The following FGFR1 variants were observed in gnomAD, a reference collection of about 807,000 sequenced individuals.
The protein encoded by FGFR1 is fibroblast growth factor receptor 1, also known as FGFR1/PLAG1 fusion.
Under a neutral mutation model 93.7 loss-of-function variants are expected in FGFR1, and 18 were observed. The ratio of observed to expected loss-of-function variants is 0.19; its 90% CI spans 0.13 to 0.28. The LOEUF is 0.28. Ranked by LOEUF, FGFR1 falls within the 10% of genes least tolerant of loss-of-function variation. The pLI, the probability that FGFR1 is intolerant of heterozygous loss-of-function variation, is 1.00. For missense variants in FGFR1, 731 were observed against 1,080.4 expected (o/e 0.68, Z 4.53); for synonymous variants, 448 against 429.3 (o/e 1.04, Z -0.54).
At chr8:38,419,887 C>G in intron 8 of FGFR1, 152 bp from the exon 9 acceptor site, 2 of 650,240 alleles carry the variant, frequency 3.1e-6, no homozygotes, top group Non-Finnish European at 5.4e-6. Flanking sequence ...GGGATTGTGG[C>G]ACTAGGAGGA....
At chr8:38,440,233 C>A (rs1028286646) in intron 2 of FGFR1, 2 of 1,323,762 alleles carry the variant, frequency 1.5e-6, no homozygotes, top group East Asian at 2.5e-5. Context: ...AACAGCGCAG[C>A]GGGGCTCCGG....
chr8:38,439,778 C>G (rs1490318733), intron 2 of FGFR1, among the ~76,000 whole-genome samples: 1 of 152,194 alleles, frequency 6.6e-6, no homozygotes, highest in African/African-American at 2.4e-5. Context: ...AAAACTCACT[C>G]TTCTGAGACT....
At chr8:38,417,573 A>G in intron 11 of FGFR1, 157 bp from the exon 12 acceptor site, 2 of 772,444 alleles carry the variant, frequency 2.6e-6, no homozygotes, top group Non-Finnish European at 2.2e-6. Context: ...CTCTCATGGG[A>G]GCCGTTGTTG....
At chr8:38,441,662 C>T (rs560592081) in intron 2 of FGFR1, among the ~76,000 whole-genome samples, 6 of 152,188 alleles carry the variant, frequency 3.9e-5, no homozygotes, top group Non-Finnish European at 8.8e-5. Context: ...AGATGCCCTG[C>T]GGCTATGGAG....
Position 38,424,344 on chromosome 8 carries a change from C to T in FGFR1, c.936+165G>A. ...CCACTTTGTGACCTCTGTTACTAGT[C>T]CTGGGGGATGTGGCTAGATCCCTAC... is the stretch of plus-strand genomic sequence containing the variant. On this transcript the variant is annotated intron_variant, in intron 7 of 17. Coordinates refer to ENST00000447712, the MANE Select transcript of FGFR1 (RefSeq NM_023110.3). The surrounding 1 kb of genome is among the most constrained non-coding windows in gnomAD (Gnocchi z 4.3). 3.8e-6 allele frequency: 3 copies of T among 794,148 alleles called. No homozygotes were observed. The highest frequency in any genetic ancestry group is 4.4e-6 in the Non-Finnish European group (2 of 455,256). 49.2% of individuals were successfully genotyped at this position (794,148 alleles called of 1,614,324 possible).
chr8:38,419,679 A>T lies in FGFR1; in HGVS notation c.1138T>A (p.Tyr380Asn), dbSNP rs1563464248. The change falls in exon 9 of 18, where the codon TAT becomes AAT. Residue 380 changes from tyrosine to asparagine, a missense_variant. Coordinates refer to ENST00000447712, the MANE Select transcript of FGFR1 (RefSeq NM_023110.3). ...GAGATGAGGAAGGCCCCTGTGCAATAGATGATGATCTCCAGGTACAGGGGC... is the reference window on the plus strand; with the variant it reads ...GAGATGAGGAAGGCCCCTGTGCAATTGATGATGATCTCCAGGTACAGGGGC... Reference protein sequence around the residue: ...TSPLYLEIIIYCTGAFLISCM... With the variant: ...TSPLYLEIIINCTGAFLISCM... 6.2e-7 allele frequency: 1 copy of T among 1,614,098 alleles called. No homozygotes were observed. The highest frequency in any genetic ancestry group is 8.5e-7 in the Non-Finnish European group (1 of 1,180,014).
Position 38,445,532 on chromosome 8 carries a change from A to G in FGFR1, c.91+11824T>C, listed in dbSNP as rs138590610. On this transcript the variant is annotated intron_variant, in intron 2 of 17. Transcript: ENST00000447712. ...CATGTCAGGCATTCATACAGTCTCA[A>G]TGAAATTGACATTTCATTTTTTGGG... 4.6e-4 allele frequency among the ~76,000 whole-genome samples: 70 copies of G among 152,192 alleles called. 1 individual carries two copies. The highest frequency in any genetic ancestry group is 1.6e-3 in the African/African-American group (68 of 41,528).
chr8:38,415,814 T>A (rs780673378), intron 13 of FGFR1, 56 bp downstream of exon 13: 2 of 1,540,370 alleles, frequency 1.3e-6, no homozygotes, highest in Non-Finnish European at 9.0e-7. Context: ...GCTGGAAGAC[T>A]AGGGGGGCTC....
In FGFR1 at chr8:38,417,289, G is replaced by C. The variant is rs1437412981; in HGVS notation, c.1663+17C>G. 4 of 1,602,326 alleles carry C rather than the reference G, an allele frequency of 2.5e-6. No homozygotes were observed. In the South Asian group the frequency reaches 4.4e-5, roughly 18 times the overall value. ...TCTCCCCGCTGGGCAGGGAAAGCCAGTCTGGCCGGCACCCACCATCCTGCG... is the reference window on the plus strand; with the variant it reads ...TCTCCCCGCTGGGCAGGGAAAGCCACTCTGGCCGGCACCCACCATCCTGCG... On this transcript the variant is annotated intron_variant, in intron 12 of 17. Coordinates refer to ENST00000447712, the MANE Select transcript of FGFR1 (RefSeq NM_023110.3).
intron 2 of FGFR1, among the ~76,000 whole-genome samples, chr8:38,438,401 G>A (rs1826161334): frequency 6.6e-6 from 1 of 151,996 alleles, no homozygotes; most frequent in Admixed American, 6.6e-5. Flanking sequence ...AAATTAGCCA[G>A]GCGTGGTGAT....
In FGFR1 at chr8:38,417,279, G is replaced by A. The variant is rs771137031; in HGVS notation, c.1663+27C>T. 1.2e-5 allele frequency: 19 copies of A among 1,579,954 alleles called. No individual in the cohort carries two copies. In the African/African-American group the frequency reaches 2.3e-4, roughly 19 times the overall value. On this transcript the variant is annotated intron_variant, in intron 12 of 17. Transcript: ENST00000447712. ...GCTCAGATCTTCTCCCCGCTGGGCA[G>A]GGAAAGCCAGTCTGGCCGGCACCCA...
intron 2 of FGFR1, among the ~76,000 whole-genome samples, chr8:38,440,642 C>T (rs900581916): frequency 6.6e-6 from 1 of 151,594 alleles, no homozygotes; most frequent in Non-Finnish European, 1.5e-5. Context: ...TGCAAATGGG[C>T]CACTGCCAGA....
rs1408119994 is a variant in FGFR1, at chr8:38,413,533, A to C, written c.*95T>G. On this transcript the variant is annotated 3_prime_UTR_variant, in exon 18 of 18. Transcript: ENST00000447712. This position sits in a 1 kb window ranked among gnomAD's most constrained non-coding sequence, Gnocchi z 4.2. ...AGGCAGCCGGCTCCTGCCAGCAGGA[A>C]AGGGGACAGGGACGGACAGGTGGTG... is the stretch of plus-strand genomic sequence containing the variant. 1 of 1,394,108 alleles carries C rather than the reference A, an allele frequency of 7.2e-7. No homozygotes were observed. Among genetic ancestry groups the C allele is most frequent in the African/African-American group, 1.4e-5 (1 of 69,864 alleles). The allele number at this position is 1,394,108 out of a possible 1,614,324, so 86.4% of individuals were successfully genotyped here. A position where few individuals can be genotyped will look rare whatever the true frequency, so the allele number is the denominator to read the frequency against.
At chr8:38,445,107 T>C (rs906455246) in intron 2 of FGFR1, among the ~76,000 whole-genome samples, 2 of 152,176 alleles carry the variant, frequency 1.3e-5, no homozygotes, top group Non-Finnish European at 2.9e-5. Flanking sequence ...CACCTGGGTC[T>C]TGTGAGATGA....
Position 38,413,923 on chromosome 8 carries a change from T to C in FGFR1, c.2287A>G (p.Asn763Asp), listed in dbSNP as rs2150518603. ...DLDRIVALTSNQEYLDLSMPL... is the reference protein window; with the variant it reads ...DLDRIVALTSDQEYLDLSMPL... ...TCTGGCACGGGCAGCCTTACCTGGT[T>C]GGAGGTCAAGGCCACGATGCGGTCC... is the stretch of plus-strand genomic sequence containing the variant. The change falls in exon 17 of 18, where the codon AAC becomes GAC. Residue 763 changes from asparagine (N) to aspartate (D), a missense_variant. Physicochemically the swap from Asn to Asp is conservative, Grantham distance 23. Around this residue, in one of 10 missense-constraint regions of FGFR1, gnomAD observed 79 missense variants for 97.2 expected, o/e 0.81. Coordinates refer to ENST00000447712, the MANE Select transcript of FGFR1 (RefSeq NM_023110.3). This position sits in a 1 kb window ranked among gnomAD's most constrained non-coding sequence, Gnocchi z 4.2. 6.2e-7 allele frequency: 1 copy of C among 1,613,946 alleles called. No homozygotes were observed. Among genetic ancestry groups the C allele is most frequent in the Admixed American group, 1.7e-5 (1 of 59,996 alleles).
rs1821390336 is a variant in FGFR1 at position 38,427,967 on chromosome 8, T to C, written c.575A>G (p.Lys192Arg). The C allele has an allele frequency of 1.2e-6, 2 of 1,614,170 alleles. No homozygotes were observed. The highest frequency in any genetic ancestry group is 1.1e-5 in the South Asian group (1 of 91,096). ...GTPNPTLRWL[K>R]NGKEFKPDHR... ...GTCAGGTTTGAATTCTTTGCCATTT[T>C]TCAACCAGCGCAGTGTGGGGTTTGG... The change falls in exon 5 of 18, where the codon AAA becomes AGA. Residue 192 changes from lysine to arginine, a missense_variant. This residue lies in a region of FGFR1 where 109 missense variants were observed against 249.4 expected (regional missense o/e 0.44). Coordinates refer to ENST00000447712, the MANE Select transcript of FGFR1 (RefSeq NM_023110.3).
At chr8:38,467,441 T>C (rs1019732380) in intron 1 of FGFR1, among the ~76,000 whole-genome samples, 4 of 150,742 alleles carry the variant, frequency 2.7e-5, no homozygotes, top group Admixed American at 6.6e-5. Flanking sequence ...TTCCCGGGGG[T>C]GGAAAAGGAC....
rs1821906873 is a variant in FGFR1, at chr8:38,429,232, T to G, written c.358+450A>C. ...GGCTCCCTGGCTGCCCTCGCACAGCTCCCTTGCGGTGCACCTGGGTTCCTC... is the reference window on the plus strand; with the variant it reads ...GGCTCCCTGGCTGCCCTCGCACAGCGCCCTTGCGGTGCACCTGGGTTCCTC... On this transcript the variant is annotated intron_variant, in intron 3 of 17. Coordinates refer to ENST00000447712, the MANE Select transcript of FGFR1 (RefSeq NM_023110.3). This position sits in a 1 kb window ranked among gnomAD's most constrained non-coding sequence, Gnocchi z 4.4. 1 of 468,600 alleles carries G rather than the reference T, an allele frequency of 2.1e-6. No homozygotes were observed. The highest frequency in any genetic ancestry group is 2.3e-5 in the Admixed American group (1 of 43,028). The allele number at this position is 468,600 out of a possible 1,614,324, so 29.0% of individuals were successfully genotyped here. A position where few individuals can be genotyped will look rare whatever the true frequency, so the allele number is the denominator to read the frequency against.
intron 2 of FGFR1, among the ~76,000 whole-genome samples, chr8:38,452,200 G>GACACACACACACACACACACAC (rs3051753): frequency 7.2e-6 from 1 of 139,096 alleles, no homozygotes; most frequent in Non-Finnish European, 1.6e-5. Flanking sequence ...CAGACACACA[G>GACACACACACACACACACACAC]ACACACACAC....
Sources: gnomAD v4.1 joint callset for allele counts (sites outside exome capture counted in the v4.1 genomes callset) on GRCh38, gnomAD v4.1.1 for gene constraint, gnomAD v4.1.1 regional missense constraint, Gnocchi (gnomAD v3.1) non-coding constraint, MANE v1.5 for transcripts, NCBI Gene and HGNC (gene_info 2026-07-23, HGNC 2026-07-21) for gene names.